CHST10: variants seen among roughly 807,000 people sequenced by gnomAD.
The protein encoded by CHST10 is carbohydrate sulfotransferase 10.
A neutral mutation model predicts 34.7 loss-of-function variants in CHST10; 24 were observed. That is an observed-to-expected ratio of 0.69 (90% CI 0.50 to 0.97). CHST10 has a LOEUF of 0.97. CHST10 is among the 50% of genes least tolerant of loss of function. The pLI, the probability that CHST10 is intolerant of heterozygous loss-of-function variation, is 0.00. For synonymous variants in CHST10, 161 were observed against 169.3 expected (o/e 0.95, Z 0.38); for missense variants, 402 against 452.1 (o/e 0.89, Z 1.00).
intron 2 of CHST10, among the ~76,000 whole-genome samples, chr2:100,411,600 C>T (rs115606618): frequency 0.018 from 2,667 of 152,234 alleles, 26 homozygotes; most frequent in African/African-American, 0.034. Flanking sequence ...AGTTTAAGGA[C>T]AAAATAACCT....
intron 2 of CHST10, among the ~76,000 whole-genome samples, chr2:100,406,946 G>A (rs1167289335): frequency 1.3e-5 from 2 of 152,192 alleles, no homozygotes; most frequent in African/African-American, 4.8e-5. Context: ...ACATGATAAT[G>A]AGAGAAGACC....
chr2:100,399,845 A>G (rs1353482101), intron 4 of CHST10, among the ~76,000 whole-genome samples: 1 of 152,232 alleles, frequency 6.6e-6, no homozygotes. Flanking sequence ...AGATGAAGAC[A>G]CTGGGGAAGC....
chr2:100,405,914 C>T (rs1412283341), intron 3 of CHST10, among the ~76,000 whole-genome samples: 1 of 152,198 alleles, frequency 6.6e-6, no homozygotes, highest in Non-Finnish European at 1.5e-5. Context: ...TCACCATGCT[C>T]AGGGCAATCA....
intron 2 of CHST10, among the ~76,000 whole-genome samples, chr2:100,413,624 A>C (rs1325641824): frequency 1.3e-5 from 2 of 152,236 alleles, no homozygotes; most frequent in African/African-American, 4.8e-5. Context: ...AAATGTTACT[A>C]TTACCATCTC....
At chr2:100,406,825 T>G in intron 2 of CHST10, 118 bp from the exon 3 acceptor site, 2 of 1,225,672 alleles carry the variant, frequency 1.6e-6, no homozygotes, top group South Asian at 1.5e-5. Context: ...TCCGTTTTTT[T>G]CCACTGCTAC....
intron 6 of CHST10, among the ~76,000 whole-genome samples, chr2:100,394,971 G>A (rs1309455164): frequency 2.6e-5 from 4 of 151,718 alleles, no homozygotes; most frequent in African/African-American, 4.8e-5. Flanking sequence ...CGCCCACCTC[G>A]GCCTCCCAAA....
Position 100,394,726 on chromosome 2 carries a change from C to CTT in CHST10, c.533+781_533+782dup, listed in dbSNP as rs11345127. ...ATCTATTAGCTAAGGACTCCATCTTCTTTTTTTTTTTTTTTGAGACAGAGT... is the reference window on the plus strand; with the variant it reads ...ATCTATTAGCTAAGGACTCCATCTTCTTTTTTTTTTTTTTTTTGAGACAGAGT... On this transcript the variant is annotated intron_variant, in intron 6 of 6. Coordinates refer to ENST00000264249, the MANE Select transcript of CHST10 (RefSeq NM_004854.5). 3.4e-3 allele frequency among the ~76,000 whole-genome samples: 479 copies of CTT among 140,534 alleles called. 9 individuals are homozygous for CTT. The highest frequency in any genetic ancestry group is 0.011 in the African/African-American group (420 of 37,854). 92.2% of individuals were successfully genotyped at this position (140,534 alleles called of 152,430 possible). A position where few individuals can be genotyped will look rare whatever the true frequency, so the allele number is the denominator to read the frequency against.
At position 100,397,834 on chromosome 2, in the gene CHST10, G is replaced by A. The variant is rs533830541; in HGVS notation, c.427+74C>T. 9 of 1,225,448 alleles carry A rather than the reference G, an allele frequency of 7.3e-6. No homozygotes were observed. In the African/African-American group the frequency reaches 9.0e-5, roughly 12 times the overall value. 75.9% of individuals were successfully genotyped at this position (1,225,448 alleles called of 1,614,324 possible). A position where few individuals can be genotyped will look rare whatever the true frequency, so the allele number is the denominator to read the frequency against. ...ACCAGCCCTCTTGTGACTCCTCCTT[G>A]CTGTCCTCCCCAGCCTCCTCAGCAC... On this transcript the variant is annotated intron_variant, in intron 5 of 6. Transcript: ENST00000264249.
intron 2 of CHST10, among the ~76,000 whole-genome samples, chr2:100,411,022 T>C (rs1475237210): frequency 6.6e-6 from 1 of 152,124 alleles, no homozygotes; most frequent in African/African-American, 2.4e-5. Flanking sequence ...GACACATATA[T>C]GTAATACATA....
At chr2:100,402,531 A>G in intron 4 of CHST10, 33 bp downstream of exon 4, 1 of 1,585,388 alleles carries the variant, frequency 6.3e-7, no homozygotes, top group Non-Finnish European at 8.7e-7. Context: ...GCCGTGTTCA[A>G]GAGGACAAGG....
chr2:100,402,864 C>T (rs546675831), intron 3 of CHST10, among the ~76,000 whole-genome samples: 1 of 152,302 alleles, frequency 6.6e-6, no homozygotes, highest in African/African-American at 2.4e-5. Flanking sequence ...AACCTTGATC[C>T]AAACCTCACC....
intron 1 of CHST10, 91 bp downstream of exon 1, chr2:100,417,283 C>T (rs1676106268): frequency 2.9e-6 from 1 of 349,236 alleles, no homozygotes; most frequent in Non-Finnish European, 5.7e-6. Flanking sequence ...CAGGACAAAA[C>T]CCGCGGGTTC....
chr2:100,407,010 T>G (rs1471330688), intron 2 of CHST10, among the ~76,000 whole-genome samples: 5 of 152,214 alleles, frequency 3.3e-5, no homozygotes, highest in Admixed American at 1.3e-4. Context: ...ATTTGATCCC[T>G]GACTCCTGTT....
intron 2 of CHST10, among the ~76,000 whole-genome samples, chr2:100,414,751 G>T (rs1675994967): frequency 6.6e-6 from 1 of 152,094 alleles, no homozygotes. Context: ...ACTGTCCAGT[G>T]AGAAATACAC....
intron 4 of CHST10, among the ~76,000 whole-genome samples, chr2:100,402,181 T>C (rs555937991): frequency 1.3e-5 from 2 of 152,308 alleles, no homozygotes; most frequent in Admixed American, 1.3e-4. Context: ...GAATTAGTTG[T>C]TCTGCTGTCC....
Position 100,393,022 on chromosome 2 carries a change from G to A in CHST10, c.*223C>T. On this transcript the variant is annotated 3_prime_UTR_variant, in exon 7 of 7. Transcript: ENST00000264249. ...GAGCAAAGGCCAGCGACATCCTAATGCACGCAGGGGTGTGGGCAGGGTCCT... is the reference window on the plus strand; with the variant it reads ...GAGCAAAGGCCAGCGACATCCTAATACACGCAGGGGTGTGGGCAGGGTCCT... The A allele has an allele frequency of 1.7e-6, 1 of 579,358 alleles. No homozygotes were observed. Among genetic ancestry groups the A allele is most frequent in the Non-Finnish European group, 3.1e-6 (1 of 326,050 alleles). 35.9% of individuals were successfully genotyped at this position (579,358 alleles called of 1,614,324 possible). A position where few individuals can be genotyped will look rare whatever the true frequency, so the allele number is the denominator to read the frequency against.
chr2:100,399,296 C>T (rs929851764), intron 4 of CHST10, among the ~76,000 whole-genome samples: 6 of 152,146 alleles, frequency 3.9e-5, no homozygotes, highest in Non-Finnish European at 5.9e-5. Context: ...TTAGTAGAGA[C>T]GGGGTTTCAC....
At chr2:100,400,935 C>A (rs1675311410) in intron 4 of CHST10, among the ~76,000 whole-genome samples, 1 of 152,218 alleles carries the variant, frequency 6.6e-6, no homozygotes, top group African/African-American at 2.4e-5. Flanking sequence ...CCCGCCTCGG[C>A]CTCCCAAAGT....
intron 4 of CHST10, among the ~76,000 whole-genome samples, chr2:100,402,071 G>A (rs1029978291): frequency 1.7e-4 from 26 of 152,234 alleles, no homozygotes; most frequent in Middle Eastern, 3.2e-3. Flanking sequence ...AGGGCTGGGT[G>A]GAAGTCAGCA....
Sources: gnomAD v4.1 joint callset for allele counts (sites outside exome capture counted in the v4.1 genomes callset) on GRCh38, gnomAD v4.1.1 for gene constraint, MANE v1.5 for transcripts, NCBI Gene and HGNC (gene_info 2026-07-23, HGNC 2026-07-21) for gene names.